KLRG1: variants seen among roughly 807,000 people sequenced by gnomAD.
KLRG1 encodes the protein killer cell lectin like receptor G1.
A neutral mutation model predicts 21.8 loss-of-function variants in KLRG1; 16 were observed. That is an observed-to-expected ratio of 0.73 (90% CI 0.50 to 1.11). The LOEUF (loss-of-function observed/expected upper bound fraction) is 1.11, where lower values mean the gene tolerates loss of function less well. Ranked by LOEUF, KLRG1 falls within the 50% of genes most tolerant of loss-of-function variation. KLRG1 has a pLI of 0.00. For missense variants in KLRG1, 173 were observed against 218.3 expected (o/e 0.79, Z 1.31); for synonymous variants, 69 against 75.9 (o/e 0.91, Z 0.47).
chr12:9,156,632 G>A, the KLRG1 span, among the ~76,000 whole-genome samples: 1 of 152,186 alleles, frequency 6.6e-6, no homozygotes, highest in Non-Finnish European at 1.5e-5. Context: ...GTTTTAGCAA[G>A]TAGAAATAAA....
the KLRG1 span, among the ~76,000 whole-genome samples, chr12:9,096,499 G>A: frequency 6.6e-6 from 1 of 152,136 alleles, no homozygotes; most frequent in Non-Finnish European, 1.5e-5. Flanking sequence ...CACAGGACAC[G>A]ATGGCATTTT....
At chr12:9,096,736 A>G in the KLRG1 span, among the ~76,000 whole-genome samples, 1 of 152,230 alleles carries the variant, frequency 6.6e-6, no homozygotes, top group Non-Finnish European at 1.5e-5. Context: ...ACACTTTCTC[A>G]AAGTATCTTA....
the KLRG1 span, chr12:9,079,851 G>C: frequency 6.7e-7 from 1 of 1,500,334 alleles, no homozygotes. Flanking sequence ...CATAAAGCTT[G>C]GAGATTATCA....
the KLRG1 span, among the ~76,000 whole-genome samples, chr12:9,211,337 C>G: frequency 6.6e-6 from 1 of 151,894 alleles, no homozygotes; most frequent in Non-Finnish European, 1.5e-5. Context: ...TTTACATGAC[C>G]TGTCTTCAAG....
At chr12:9,187,731 A>G in the KLRG1 span, among the ~76,000 whole-genome samples, 1 of 152,234 alleles carries the variant, frequency 6.6e-6, no homozygotes, top group Non-Finnish European at 1.5e-5. Context: ...GAAAAGTTAG[A>G]AAGATCTCAA....
chr12:9,090,646 T>C, the KLRG1 span: 1 of 689,512 alleles, frequency 1.5e-6, no homozygotes, highest in Non-Finnish European at 2.3e-6. Flanking sequence ...TGGATCTTAA[T>C]GTATCAGATT....
At chr12:9,050,071 C>T in the KLRG1 span, among the ~76,000 whole-genome samples, 1 of 152,122 alleles carries the variant, frequency 6.6e-6, no homozygotes, top group Non-Finnish European at 1.5e-5. Context: ...AAAAAATCTT[C>T]GTAGGAAGCT....
chr12:9,133,759 C>A, the KLRG1 span, among the ~76,000 whole-genome samples: 1 of 151,998 alleles, frequency 6.6e-6, no homozygotes, highest in Admixed American at 6.5e-5. Flanking sequence ...CACATCATCA[C>A]CAAAGAGGGG....
the KLRG1 span, among the ~76,000 whole-genome samples, chr12:9,184,025 A>C: frequency 6.6e-6 from 1 of 152,246 alleles, no homozygotes; most frequent in South Asian, 2.1e-4. Context: ...TTCAACAAGG[A>C]AAGTGGGGTA....
the KLRG1 span, among the ~76,000 whole-genome samples, chr12:9,104,809 C>T: frequency 6.6e-6 from 1 of 152,144 alleles, no homozygotes; most frequent in Admixed American, 6.5e-5. Context: ...ATCTATTAAT[C>T]TATTAACTAA....
the KLRG1 span, among the ~76,000 whole-genome samples, chr12:9,203,422 A>T: frequency 1.3e-5 from 2 of 149,102 alleles, no homozygotes; most frequent in South Asian, 4.2e-4. Flanking sequence ...GCTCACTGCA[A>T]ACTTCGCCTC....
chr12:9,159,958 G>A, the KLRG1 span: 2 of 1,613,294 alleles, frequency 1.2e-6, no homozygotes, highest in African/African-American at 1.3e-5. Flanking sequence ...CCTGGTTCCT[G>A]CCATATCGTT....
the KLRG1 span, chr12:9,158,415 T>C: frequency 1.2e-6 from 2 of 1,613,972 alleles, no homozygotes; most frequent in African/African-American, 1.3e-5. Flanking sequence ...TGTGGAACAG[T>C]TCACCTTTAT....
chr12:9,107,843 A>G, the KLRG1 span, among the ~76,000 whole-genome samples: 1,547 of 152,022 alleles, frequency 0.01, 26 homozygotes, highest in African/African-American at 0.035. Flanking sequence ...TGAAATTTAC[A>G]TTCTTCTTTT....
At chr12:9,084,450 G>A in the KLRG1 span, among the ~76,000 whole-genome samples, 3 of 152,096 alleles carry the variant, frequency 2.0e-5, no homozygotes, top group Non-Finnish European at 4.4e-5. Context: ...AATGTGTGTG[G>A]GGGAGTGAAA....
chr12:9,197,682 TAC>T, the KLRG1 span, among the ~76,000 whole-genome samples: 2,552 of 100,990 alleles, frequency 0.025, 251 homozygotes, highest in Non-Finnish European at 0.029. Context: ...TATTATACAA[TAC>T]ATAATATATA....
chr12:9,202,721 T>G, the KLRG1 span: 1 of 1,585,240 alleles, frequency 6.3e-7, no homozygotes, highest in South Asian at 1.1e-5. Context: ...TGAGGAACTG[T>G]GCAGTCTTCT....
chr12:9,202,497 C>T, the KLRG1 span: 2 of 1,613,206 alleles, frequency 1.2e-6, no homozygotes, highest in African/African-American at 1.3e-5. Context: ...CTCAGTGTTG[C>T]CCCAAACAGT....
chr12:9,034,321 G>C, the KLRG1 span, among the ~76,000 whole-genome samples: 1 of 152,130 alleles, frequency 6.6e-6, no homozygotes, highest in Non-Finnish European at 1.5e-5. Context: ...TGGTGATGCT[G>C]GTGTAAATGA....
Sources: allele counts gnomAD v4.1 joint callset (sites outside exome capture counted in the v4.1 genomes callset), GRCh38; gene constraint gnomAD v4.1.1; transcripts MANE v1.5; gene names NCBI Gene and HGNC (gene_info 2026-07-23, HGNC 2026-07-21).